The following CSMD1 variants were observed in gnomAD, a reference collection of about 807,000 sequenced individuals.
The protein encoded by CSMD1 is CUB and sushi domain-containing protein 1.
A neutral mutation model predicts 417.5 loss-of-function variants in CSMD1; 213 were observed. The ratio of observed to expected loss-of-function variants is 0.51; its 90% CI spans 0.46 to 0.57. The LOEUF is 0.57. Among genes scored for constraint, CSMD1 ranks in the 20% least tolerant of loss-of-function variants. CSMD1 has a pLI of 0.00. For missense variants in CSMD1, 6,923 were observed against 4,529.7 expected (o/e 1.53, Z -15.17); for synonymous variants, 2,862 against 1,736.8 (o/e 1.65, Z -16.11).
chr8:4,718,823 C>T (rs763142638), intron 1 of CSMD1, among the ~76,000 whole-genome samples: 1 of 151,588 alleles, frequency 6.6e-6, no homozygotes, highest in Non-Finnish European at 1.5e-5. Context: ...ATATTCAAGA[C>T]CAAATTTTTA....
intron 5 of CSMD1, among the ~76,000 whole-genome samples, chr8:3,983,182 G>C (rs949354920): frequency 7.0e-6 from 1 of 142,440 alleles, no homozygotes; most frequent in Admixed American, 7.4e-5. Context: ...CCAGGCTGGA[G>C]TGCAGTGGCG....
intron 3 of CSMD1, among the ~76,000 whole-genome samples, chr8:4,048,429 G>C (rs2130677829): frequency 6.6e-6 from 1 of 152,232 alleles, no homozygotes; most frequent in African/African-American, 2.4e-5. Flanking sequence ...TTATGAACAT[G>C]AACTCTCCTA....
intron 5 of CSMD1, among the ~76,000 whole-genome samples, chr8:3,912,755 G>C (rs1018964323): frequency 6.6e-6 from 1 of 152,194 alleles, no homozygotes; most frequent in Non-Finnish European, 1.5e-5. Context: ...ACTGCAGTCT[G>C]CTCTTGTAGC....
At chr8:3,805,021 G>C (rs986344725) in intron 5 of CSMD1, among the ~76,000 whole-genome samples, 1 of 152,066 alleles carries the variant, frequency 6.6e-6, no homozygotes, top group Non-Finnish European at 1.5e-5. Context: ...GAAGAGGCCT[G>C]GTTGGTCATA....
chr8:4,103,663 C>T (rs1211351818), intron 3 of CSMD1, among the ~76,000 whole-genome samples: 1 of 151,926 alleles, frequency 6.6e-6, no homozygotes, highest in Admixed American at 6.6e-5. Flanking sequence ...TCTGATATGC[C>T]ACATTTTTAC....
intron 20 of CSMD1, among the ~76,000 whole-genome samples, chr8:3,365,538 T>C (rs1025210765): frequency 6.6e-6 from 1 of 152,212 alleles, no homozygotes; most frequent in Non-Finnish European, 1.5e-5. Context: ...ATAAATACAT[T>C]GACAATTTTT....
intron 1 of CSMD1, among the ~76,000 whole-genome samples, chr8:4,644,301 C>G (rs2169740): frequency 0.6 from 91,211 of 151,892 alleles, 27,780 homozygotes; most frequent in Admixed American, 0.7. Flanking sequence ...TGAGCTTTGC[C>G]CAGATTTTTT....
chr8:3,377,780 G>A (rs908208499), intron 18 of CSMD1, among the ~76,000 whole-genome samples: 7 of 152,148 alleles, frequency 4.6e-5, no homozygotes, highest in African/African-American at 1.7e-4. Context: ...TACTTTCCAT[G>A]AATGTTTCCT....
At chr8:4,429,946 G>C (rs192545340) in intron 2 of CSMD1, among the ~76,000 whole-genome samples, 1 of 152,116 alleles carries the variant, frequency 6.6e-6, no homozygotes, top group South Asian at 2.1e-4. Context: ...GAATGAAAAA[G>C]ACAAGAGGCA....
At chr8:3,940,503 G>A (rs1487792142) in intron 5 of CSMD1, among the ~76,000 whole-genome samples, 1 of 66,338 alleles carries the variant, frequency 1.5e-5, no homozygotes, top group Non-Finnish European at 3.4e-5. Context: ...TCCTCTGTGT[G>A]TGTGTGTGTG....
At chr8:3,655,062 T>A (rs1389440074) in intron 7 of CSMD1, among the ~76,000 whole-genome samples, 1 of 152,192 alleles carries the variant, frequency 6.6e-6, no homozygotes, top group African/African-American at 2.4e-5. Flanking sequence ...GGGAAATAAT[T>A]TAAAGAATGT....
chr8:4,245,358 A>C (rs1585088686), intron 3 of CSMD1, among the ~76,000 whole-genome samples: 1 of 152,130 alleles, frequency 6.6e-6, no homozygotes, highest in African/African-American at 2.4e-5. Context: ...GGGAGGAAAG[A>C]TTGCAAGTAC....
chr8:4,866,623 C>G (rs546723469), intron 1 of CSMD1, among the ~76,000 whole-genome samples: 4 of 151,842 alleles, frequency 2.6e-5, no homozygotes, highest in Non-Finnish European at 5.9e-5. Flanking sequence ...GAGTCATAAC[C>G]TCAAATGAGA....
At chr8:3,918,511 G>T (rs571771585) in intron 5 of CSMD1, among the ~76,000 whole-genome samples, 5 of 152,034 alleles carry the variant, frequency 3.3e-5, no homozygotes, top group South Asian at 4.2e-4. Flanking sequence ...ATCTACTTGG[G>T]TTATTTGCCC....
chr8:3,569,426 G>T (rs895884619), intron 10 of CSMD1, among the ~76,000 whole-genome samples: 22 of 152,170 alleles, frequency 1.4e-4, no homozygotes, highest in African/African-American at 5.3e-4. Flanking sequence ...GAAAGAGTAT[G>T]AATCAAGAGA....
In CSMD1 at chr8:3,064,963, G is replaced by A. The variant is rs147328849; in HGVS notation, c.7475-12316C>T. On this transcript the variant is annotated intron_variant, in intron 49 of 69. Transcript: ENST00000635120. ...AATTAGAGAACAAAACTTTGAAAAC[G>A]AGTCTATTCCATGTGCACTGGGAAA... Among the ~76,000 whole-genome samples, 27 of 152,164 alleles carry A rather than the reference G, an allele frequency of 1.8e-4. 1 individual carries two copies. The East Asian group carries it at 4.4e-3, about 25-fold the overall frequency.
chr8:3,798,443 C>A (rs894858598), intron 5 of CSMD1, among the ~76,000 whole-genome samples: 3 of 151,956 alleles, frequency 2.0e-5, no homozygotes, highest in Non-Finnish European at 4.4e-5. Context: ...CTGATATACT[C>A]ATTTTGATTT....
At chr8:3,472,574 T>G (rs1204520594) in intron 11 of CSMD1, among the ~76,000 whole-genome samples, 1 of 146,410 alleles carries the variant, frequency 6.8e-6, no homozygotes, top group Non-Finnish European at 1.5e-5. Flanking sequence ...AAGAACTTGC[T>G]GATTTATACT....
At chr8:4,716,492 A>C (rs373233560) in intron 1 of CSMD1, among the ~76,000 whole-genome samples, 61 of 152,332 alleles carry the variant, frequency 4.0e-4, no homozygotes, top group African/African-American at 1.4e-3. Context: ...TAAAGTATTC[A>C]TAATACTTCA....
Sources: allele counts gnomAD v4.1 joint callset (sites outside exome capture counted in the v4.1 genomes callset), GRCh38; gene constraint gnomAD v4.1.1; transcripts MANE v1.5; gene names NCBI Gene and HGNC (gene_info 2026-07-23, HGNC 2026-07-21).